Variants in ZNF420 observed in about 807,000 individuals in gnomAD.
ZNF420 encodes ATM and p53-associated KZNF protein.
ZNF420 carries 31 observed loss-of-function variants against 44.7 expected under a neutral mutation model. The observed-to-expected ratio is 0.69, with a 90% CI of 0.52 to 0.94. The LOEUF is 0.94. Ranked by LOEUF, ZNF420 falls within the 40% of genes least tolerant of loss-of-function variation. The probability of loss-of-function intolerance (pLI) is 0.00; values close to 1 mark genes in which losing one functional copy is unlikely to be tolerated. For missense variants in ZNF420, 681 were observed against 827.9 expected (o/e 0.82, Z 2.18); for synonymous variants, 245 against 267.4 (o/e 0.92, Z 0.82).
At chr19:37,073,973 A>G (rs1185418438), upstream of ZNF420, among the ~76,000 whole-genome samples, 1 of 152,076 alleles carries the variant, frequency 6.6e-6, no homozygotes, top group East Asian at 1.9e-4. Context: ...GTGATATTCA[A>G]AAGAGAAAAA....
intron 1 of ZNF420, among the ~76,000 whole-genome samples, chr19:37,022,752 C>T (rs1410768905): frequency 1.3e-5 from 2 of 151,886 alleles, no homozygotes; most frequent in African/African-American, 4.8e-5. Context: ...GTACTACTAT[C>T]GCCATTTACA....
At chr19:37,051,649 G>T (rs1363596282) in intron 1 of ZNF420, among the ~76,000 whole-genome samples, 1 of 151,876 alleles carries the variant, frequency 6.6e-6, no homozygotes, top group Non-Finnish European at 1.5e-5. Context: ...TATCAATTTT[G>T]TTGATCTTTT....
chr19:37,016,801 G>A (rs1168458090), intron 1 of ZNF420, among the ~76,000 whole-genome samples: 1 of 152,176 alleles, frequency 6.6e-6, no homozygotes, highest in Non-Finnish European at 1.5e-5. Flanking sequence ...TGGTAGTAGG[G>A]CCAAGGCCAA....
chr19:37,021,746 G>A (rs1030990684), intron 1 of ZNF420, among the ~76,000 whole-genome samples: 1 of 148,822 alleles, frequency 6.7e-6, no homozygotes, highest in Non-Finnish European at 1.5e-5. Context: ...AGACAAGCCT[G>A]ACCAACATGG....
intron 1 of ZNF420, among the ~76,000 whole-genome samples, chr19:37,033,832 C>T (rs1399860952): frequency 6.6e-6 from 1 of 152,206 alleles, no homozygotes; most frequent in Non-Finnish European, 1.5e-5. Flanking sequence ...TCTCAGCTCA[C>T]TGACACCTCC....
intron 1 of ZNF420, among the ~76,000 whole-genome samples, chr19:37,011,311 T>A (rs1203389915): frequency 6.6e-6 from 1 of 152,210 alleles, no homozygotes; most frequent in Non-Finnish European, 1.5e-5. Context: ...ACAGGGAAGC[T>A]CCCTTGGTCT....
chr19:37,099,785 G>A (rs146865301), intron 4 of ZNF420, among the ~76,000 whole-genome samples: 2,634 of 152,092 alleles, frequency 0.017, 39 homozygotes, highest in Middle Eastern at 0.054. Context: ...CACCACGCCC[G>A]GCTAATTTTT....
chr19:37,033,506 G>A (rs1327937327), intron 1 of ZNF420, among the ~76,000 whole-genome samples: 1 of 152,116 alleles, frequency 6.6e-6, no homozygotes, highest in African/African-American at 2.4e-5. Flanking sequence ...TTATGTCAAG[G>A]TTCATCCATG....
chr19:37,071,651 A>C (rs1483314424), intron 1 of ZNF420, among the ~76,000 whole-genome samples: 3 of 152,108 alleles, frequency 2.0e-5, no homozygotes, highest in Non-Finnish European at 4.4e-5. Flanking sequence ...AAATACAAAA[A>C]TTAGCTGGGC....
intron 4 of ZNF420, chr19:37,109,591 T>A (rs1970274551): frequency 1.3e-5 from 2 of 152,234 alleles, no homozygotes; most frequent in African/African-American, 4.8e-5. Context: ...TGGTGCTTGA[T>A]TGCAGTGTTT....
intron 1 of ZNF420, among the ~76,000 whole-genome samples, chr19:37,054,587 C>T (rs567810297): frequency 2.1e-4 from 32 of 152,300 alleles, no homozygotes; most frequent in Non-Finnish European, 2.2e-4. Context: ...ATTCAGAGAG[C>T]GTCAGCCTTG....
At chr19:37,059,203 C>A (rs1428545757) in intron 1 of ZNF420, among the ~76,000 whole-genome samples, 1 of 152,192 alleles carries the variant, frequency 6.6e-6, no homozygotes, top group African/African-American at 2.4e-5. Context: ...GGCCCTGGGA[C>A]GCCCGCGGCC....
At chr19:37,042,132 G>A (rs558307912) in intron 1 of ZNF420, among the ~76,000 whole-genome samples, 1 of 152,284 alleles carries the variant, frequency 6.6e-6, no homozygotes, top group South Asian at 2.1e-4. Flanking sequence ...TGGAGTAACT[G>A]GGACTACAGG....
chr19:37,040,278 AT>A (rs1967430331), intron 1 of ZNF420, among the ~76,000 whole-genome samples: 1 of 152,134 alleles, frequency 6.6e-6, no homozygotes, highest in Admixed American at 6.5e-5. Flanking sequence ...GAACCAACCT[AT>A]GCTAACTTCA....
intron 4 of ZNF420, among the ~76,000 whole-genome samples, chr19:37,096,313 C>T (rs971080331): frequency 1.1e-4 from 16 of 151,922 alleles, no homozygotes; most frequent in Admixed American, 3.3e-4. Flanking sequence ...TCATACAATC[C>T]CAATTTCTGG....
intron 1 of ZNF420, among the ~76,000 whole-genome samples, chr19:37,067,475 C>A (rs1371278718): frequency 6.6e-6 from 1 of 152,014 alleles, no homozygotes; most frequent in Non-Finnish European, 1.5e-5. Context: ...TTTGGTAAAG[C>A]AAATACAGCA....
chr19:37,058,372 C>T (rs116233564), intron 1 of ZNF420, among the ~76,000 whole-genome samples: 2,876 of 152,166 alleles, frequency 0.019, 88 homozygotes, highest in African/African-American at 0.062. Flanking sequence ...AAAGGCCGTG[C>T]GGCATTTCCT....
At chr19:37,078,120 C>G (rs1284466669), upstream of ZNF420, 1 of 152,726 alleles carries the variant, frequency 6.5e-6, no homozygotes, top group East Asian at 1.9e-4. Context: ...CGGGTCCCAC[C>G]CTCTCTCCTG....
intron 1 of ZNF420, among the ~76,000 whole-genome samples, chr19:37,061,345 G>A (rs764408770): frequency 1.3e-5 from 2 of 152,354 alleles, no homozygotes; most frequent in Admixed American, 1.3e-4. Flanking sequence ...ACTGGGTAAA[G>A]ATATCCATCA....
Sources: allele counts gnomAD v4.1 joint callset (sites outside exome capture counted in the v4.1 genomes callset), GRCh38; gene constraint gnomAD v4.1.1; transcripts MANE v1.5; gene names NCBI Gene and HGNC (gene_info 2026-07-23, HGNC 2026-07-21).